PC: variants seen among roughly 807,000 people sequenced by gnomAD.
PC encodes the protein pyruvate carboxylase.
Under a neutral mutation model 107.8 loss-of-function variants are expected in PC, and 46 were observed. The observed-to-expected ratio is 0.43, with a 90% CI of 0.34 to 0.55. The LOEUF is 0.55. Ranked by LOEUF, PC falls within the 20% of genes least tolerant of loss-of-function variation. The pLI, the probability that PC is intolerant of heterozygous loss-of-function variation, is 0.04. For synonymous variants in PC, 662 were observed against 684.7 expected, an observed-to-expected ratio of 0.97 and a Z score of 0.52; for missense variants, 1,241 against 1,643.1, an observed-to-expected ratio of 0.76 and a Z score of 4.23.
At chr11:66,941,335 G>A (rs1007631922) in intron 3 of PC, among the ~76,000 whole-genome samples, 1 of 152,088 alleles carries the variant, frequency 6.6e-6, no homozygotes, top group Admixed American at 6.6e-5. Context: ...CAGCAATCAG[G>A]TATATATCCA....
rs761564261 is a variant in PC at position 66,852,401 on chromosome 11, C to T, written c.1825+38G>A. On this transcript the variant is annotated intron_variant, in intron 15 of 22. Coordinates refer to ENST00000393960, the MANE Select transcript of PC (RefSeq NM_001040716.2). This position sits in a 1 kb window ranked among gnomAD's most constrained non-coding sequence, Gnocchi z 4.7. ...TGTGGGACTGGCCACAGAGCGGGCGCCCATTCCTACCAGGCGCTGCGCAGC... is the reference window on the plus strand; with the variant it reads ...TGTGGGACTGGCCACAGAGCGGGCGTCCATTCCTACCAGGCGCTGCGCAGC... 3 of 1,543,852 alleles carry T rather than the reference C, an allele frequency of 1.9e-6. No homozygotes were observed. Among genetic ancestry groups the T allele is most frequent in the Middle Eastern group, 1.7e-4 (1 of 5,922 alleles).
At chr11:66,886,197 G>C (rs1339028577) in intron 3 of PC, among the ~76,000 whole-genome samples, 1 of 151,922 alleles carries the variant, frequency 6.6e-6, no homozygotes, top group Non-Finnish European at 1.5e-5. Context: ...AGGGAGAAGA[G>C]GGGAGGGAGG....
At chr11:66,924,639 T>A (rs1383299841) in intron 3 of PC, among the ~76,000 whole-genome samples, 2 of 152,028 alleles carry the variant, frequency 1.3e-5, no homozygotes, top group East Asian at 3.9e-4. Context: ...TACAAAAAAT[T>A]AGCATGTGTC....
chr11:66,848,558 C>T lies in PC; in HGVS notation c.*341G>A, dbSNP rs1288754534. On this transcript the variant is annotated 3_prime_UTR_variant, in exon 23 of 23. Transcript: ENST00000393960. ...AAAGCCAGCTTTATTGAGTAAACTT[C>T]CCAGGACCTGGGACATCTTAGATCT... 3.4e-6 allele frequency: 2 copies of T among 595,580 alleles called. No individual in the cohort carries two copies. The highest frequency in any genetic ancestry group is 6.0e-6 in the Non-Finnish European group (2 of 334,676). 36.9% of individuals were successfully genotyped at this position (595,580 alleles called of 1,614,324 possible). A position where few individuals can be genotyped will look rare whatever the true frequency, so the allele number is the denominator to read the frequency against.
Position 66,857,481 on chromosome 11 carries a change from G to A in PC, c.1369-4098C>T, listed in dbSNP as rs1246185586. On this transcript the variant is annotated intron_variant, in intron 12 of 22. Transcript: ENST00000393960. This position sits in a 1 kb window ranked among gnomAD's most constrained non-coding sequence, Gnocchi z 7.1. ...CCCTCCCTGCTCTCGGTCCTCCTCC[G>A]CTTCCTGCCTCATGCCTCACCTTGT... 2 of 443,352 alleles carry A rather than the reference G, an allele frequency of 4.5e-6. No individual in the cohort carries two copies. Among genetic ancestry groups the A allele is most frequent in the Admixed American group, 7.8e-5 (2 of 25,722 alleles). The allele number at this position is 443,352 out of a possible 1,614,324, so 27.5% of individuals were successfully genotyped here. A position where few individuals can be genotyped will look rare whatever the true frequency, so the allele number is the denominator to read the frequency against.
intron 3 of PC, among the ~76,000 whole-genome samples, chr11:66,924,426 A>C (rs975907029): frequency 6.6e-6 from 1 of 150,688 alleles, no homozygotes; most frequent in African/African-American, 2.4e-5. Context: ...CAATTAAAAA[A>C]AAAGAAAGAA....
At chr11:66,950,250 G>A (rs1949405700) in intron 3 of PC, among the ~76,000 whole-genome samples, 1 of 152,104 alleles carries the variant, frequency 6.6e-6, no homozygotes, top group African/African-American at 2.4e-5. Context: ...GCCAGGTCGT[G>A]GAATTTTCCC....
chr11:66,859,789 C>G, intron 12 of PC: 1 of 1,598,490 alleles, frequency 6.3e-7, no homozygotes, highest in Non-Finnish European at 8.5e-7. Context: ...TCCACGCTGC[C>G]GGCCTCGCCC....
chr11:66,950,219 G>A (rs1452156114), intron 3 of PC, among the ~76,000 whole-genome samples: 1 of 152,124 alleles, frequency 6.6e-6, no homozygotes, highest in Non-Finnish European at 1.5e-5. Context: ...CATCCCCAGA[G>A]ACTAAGTATG....
At chr11:66,853,105 C>G (rs1004237184) in intron 13 of PC, 134 bp downstream of exon 13, 17 of 1,006,458 alleles carry the variant, frequency 1.7e-5, no homozygotes, top group Non-Finnish European at 2.5e-5. Flanking sequence ...GACGCAGGGC[C>G]AGAATGAGGG....
chr11:66,958,179 C>T (rs1423590180), intron 1 of PC, 143 bp downstream of exon 1: 3 of 152,016 alleles, frequency 2.0e-5, no homozygotes, highest in African/African-American at 7.2e-5. Context: ...GTCGCTGTCT[C>T]CTCCAGCCGT....
chr11:66,909,072 G>A (rs1213110734), intron 3 of PC, among the ~76,000 whole-genome samples: 1 of 152,214 alleles, frequency 6.6e-6, no homozygotes, highest in African/African-American at 2.4e-5. Flanking sequence ...GCCAAAGTGG[G>A]AAATGGCAGA....
intron 11 of PC, 62 bp from the exon 12 acceptor site, chr11:66,864,018 AC>A (rs1043715289): frequency 5.7e-5 from 89 of 1,560,304 alleles, no homozygotes; most frequent in Admixed American, 4.3e-4. Flanking sequence ...TGCCCCACCC[AC>A]CCCGAGGCTG....
chr11:66,855,007 T>A (rs1945718306), intron 12 of PC, among the ~76,000 whole-genome samples: 1 of 152,228 alleles, frequency 6.6e-6, no homozygotes, highest in African/African-American at 2.4e-5. Flanking sequence ...CCTCACACCC[T>A]CGGCAGAGCT....
rs565301304 is a variant in PC, at chr11:66,849,769, G to A, written c.2989C>T (p.Arg997Trp). 6.8e-6 allele frequency: 11 copies of A among 1,614,164 alleles called. No homozygotes were observed. The highest frequency in any genetic ancestry group is 3.3e-5 in the South Asian group (3 of 91,084). The change falls in exon 21 of 23, where the codon CGG becomes TGG. Residue 997 changes from arginine (R) to tryptophan (W), a missense_variant. Physicochemically the swap from Arg to Trp is moderately radical, Grantham distance 101. Coordinates refer to ENST00000393960, the MANE Select transcript of PC (RefSeq NM_001040716.2). The stretch of plus-strand genomic sequence containing the variant: ...TCCGGCGTCACCTCCTCCCCATGCC[G>A]GTCTACCAGCTCCTTCTCCAGTGCC... ...LQALEKELVD[R>W]HGEEVTPEDV...
rs1156896466 is a variant in PC at position 66,944,508 on chromosome 11, G to A, written c.-1+7922C>T. Reference sequence around the variant, plus strand: ...GCAGGAGAATCGCTTGAACCTGGGAGGCAGGGGTTGCAGTGAGCCGAGATT... The same window carrying A: ...GCAGGAGAATCGCTTGAACCTGGGAAGCAGGGGTTGCAGTGAGCCGAGATT... On this transcript the variant is annotated intron_variant, in intron 3 of 22. Transcript: ENST00000393960. Among the ~76,000 whole-genome samples, 4 of 114,742 alleles carry A rather than the reference G, an allele frequency of 3.5e-5. 1 individual carries two copies. The highest frequency in any genetic ancestry group is 1.9e-5 in the Non-Finnish European group (1 of 51,928). 75.3% of individuals were successfully genotyped at this position (114,742 alleles called of 152,430 possible). A position where few individuals can be genotyped will look rare whatever the true frequency, so the allele number is the denominator to read the frequency against.
chr11:66,920,251 G>A (rs543567006), intron 3 of PC, among the ~76,000 whole-genome samples: 5 of 152,228 alleles, frequency 3.3e-5, no homozygotes, highest in South Asian at 2.1e-4. Context: ...CCTGCAGAAA[G>A]GTGCCAGGCT....
At chr11:66,876,919 C>A (rs1039702050) in intron 3 of PC, among the ~76,000 whole-genome samples, 1 of 152,150 alleles carries the variant, frequency 6.6e-6, no homozygotes, top group Non-Finnish European at 1.5e-5. Flanking sequence ...CTTGAACCCA[C>A]GAGAAAGCAA....
At chr11:66,900,443 C>T (rs535082745) in intron 3 of PC, among the ~76,000 whole-genome samples, 56 of 152,014 alleles carry the variant, frequency 3.7e-4, no homozygotes, top group Non-Finnish European at 6.8e-4. Context: ...ATTACAGGTG[C>T]GAGCCACTGC....
Sources: allele counts gnomAD v4.1 joint callset (sites outside exome capture counted in the v4.1 genomes callset), GRCh38; gene constraint gnomAD v4.1.1; non-coding constraint Gnocchi (gnomAD v3.1); transcripts MANE v1.5; gene names NCBI Gene and HGNC (gene_info 2026-07-23, HGNC 2026-07-21).